The following SPEF2 variants were observed in gnomAD, a reference collection of about 807,000 sequenced individuals.
The protein encoded by SPEF2 is sperm flagella and cilia-associated protein 2.
Under a neutral mutation model 224.6 loss-of-function variants are expected in SPEF2, and 187 were observed. That is an observed-to-expected ratio of 0.83 (90% CI 0.74 to 0.94). SPEF2 has a LOEUF of 0.94. Among genes scored for constraint, SPEF2 ranks in the 40% least tolerant of loss-of-function variants. SPEF2 has a pLI of 0.00. For missense variants in SPEF2, 2,170 were observed against 2,135.6 expected, an observed-to-expected ratio of 1.02 and a Z score of -0.32; for synonymous variants, 715 against 707.3, an observed-to-expected ratio of 1.01 and a Z score of -0.17.
At chr5:35,639,425 C>T (rs558036265) in intron 2 of SPEF2, among the ~76,000 whole-genome samples, 64 of 152,190 alleles carry the variant, frequency 4.2e-4, no homozygotes, top group South Asian at 2.9e-3. Context: ...AAAATAATCC[C>T]TTTTTTGTCA....
chr5:35,748,940 T>C (rs1231716964), intron 23 of SPEF2, among the ~76,000 whole-genome samples: 1 of 152,090 alleles, frequency 6.6e-6, no homozygotes. Context: ...CTTAACAAAA[T>C]AGTAGCTAAC....
At chr5:35,697,230 A>G (rs1246329500) in intron 14 of SPEF2, among the ~76,000 whole-genome samples, 2 of 152,186 alleles carry the variant, frequency 1.3e-5, no homozygotes, top group African/African-American at 4.8e-5. Context: ...TATAAAAGAT[A>G]ATTATTTGAG....
intron 10 of SPEF2, 77 bp downstream of exon 10, chr5:35,670,304 T>G: frequency 6.7e-7 from 1 of 1,495,194 alleles, no homozygotes; most frequent in Non-Finnish European, 8.9e-7. Context: ...TGATATTCCT[T>G]ATTTCATTTC....
At chr5:35,740,300 A>G (rs762988265) in intron 23 of SPEF2, 33 bp downstream of exon 23, 1 of 1,611,026 alleles carries the variant, frequency 6.2e-7, no homozygotes, top group Middle Eastern at 1.7e-4. Context: ...GGACAGGGTT[A>G]GCTGGCTTTC....
chr5:35,717,277 C>A (rs565513374), intron 20 of SPEF2, among the ~76,000 whole-genome samples: 2 of 152,224 alleles, frequency 1.3e-5, no homozygotes, highest in South Asian at 2.1e-4. Context: ...CTGCAGAATT[C>A]TTCTCCCTTG....
chr5:35,769,985 C>T, intron 26 of SPEF2, among the ~76,000 whole-genome samples: 1 of 114,812 alleles, frequency 8.7e-6, no homozygotes, highest in East Asian at 2.5e-4. Context: ...CTACTGCCTC[C>T]ATAATGTGTG....
At chr5:35,634,693 A>G (rs547964665) in intron 2 of SPEF2, among the ~76,000 whole-genome samples, 1 of 152,158 alleles carries the variant, frequency 6.6e-6, no homozygotes, top group Admixed American at 6.5e-5. Flanking sequence ...TGTTAAATAA[A>G]CTTTTTATTA....
intron 20 of SPEF2, among the ~76,000 whole-genome samples, chr5:35,721,383 G>A (rs114005732): frequency 0.014 from 2,068 of 152,270 alleles, 31 homozygotes; most frequent in Non-Finnish European, 0.019. Context: ...TTAAGGTAAA[G>A]CTTGGTGAGT....
At chr5:35,762,642 C>T (rs1751471131) in intron 25 of SPEF2, among the ~76,000 whole-genome samples, 1 of 152,196 alleles carries the variant, frequency 6.6e-6, no homozygotes. Flanking sequence ...CTAGTTTCAA[C>T]AGAGGCATCC....
chr5:35,685,565 C>T (rs925832320), intron 10 of SPEF2, among the ~76,000 whole-genome samples: 3 of 152,000 alleles, frequency 2.0e-5, no homozygotes, highest in Non-Finnish European at 4.4e-5. Context: ...AATAACTCCA[C>T]TTGTAGACTT....
chr5:35,643,219 C>T (rs998097007), intron 3 of SPEF2, among the ~76,000 whole-genome samples: 10 of 152,132 alleles, frequency 6.6e-5, no homozygotes, highest in South Asian at 2.1e-4. Context: ...GAACTTCAAG[C>T]GTCAATAATT....
At chr5:35,729,774 T>G (rs1745318800) in intron 21 of SPEF2, among the ~76,000 whole-genome samples, 1 of 152,074 alleles carries the variant, frequency 6.6e-6, no homozygotes, top group African/African-American at 2.4e-5. Context: ...TAGGGGCCAG[T>G]CTTTACCATG....
chr5:35,760,673 AT>A (rs570135667), intron 25 of SPEF2, among the ~76,000 whole-genome samples: 49 of 152,298 alleles, frequency 3.2e-4, no homozygotes, highest in African/African-American at 1.1e-3. Context: ...TCTGTAAGTC[AT>A]TGTTTTTGTA....
intron 28 of SPEF2, among the ~76,000 whole-genome samples, chr5:35,775,413 T>TA (rs915911720): frequency 1.3e-5 from 2 of 152,218 alleles, no homozygotes; most frequent in African/African-American, 4.8e-5. Context: ...AGAGGAGTAT[T>TA]ACGTGCCATG....
At chr5:35,685,979 C>G (rs1272384615) in intron 10 of SPEF2, among the ~76,000 whole-genome samples, 2 of 151,716 alleles carry the variant, frequency 1.3e-5, no homozygotes, top group African/African-American at 4.8e-5. Context: ...TTGGTTCTCT[C>G]TTTGGATTTC....
At chr5:35,792,250 T>C in intron 30 of SPEF2, 90 bp from the exon 31 acceptor site, 1 of 887,308 alleles carries the variant, frequency 1.1e-6, no homozygotes, top group Non-Finnish European at 1.7e-6. Context: ...ATAAAGAGAG[T>C]TTTAAAATAC....
intron 10 of SPEF2, chr5:35,670,730 G>C (rs1214777843): frequency 2.0e-6 from 2 of 985,662 alleles, no homozygotes; most frequent in South Asian, 4.7e-5. Context: ...ATTTTTAGAA[G>C]AACTGTTGTA....
intron 18 of SPEF2, among the ~76,000 whole-genome samples, chr5:35,707,260 T>C (rs1328131646): frequency 1.3e-5 from 2 of 152,168 alleles, no homozygotes; most frequent in Non-Finnish European, 2.9e-5. Flanking sequence ...TTAAGGAAAG[T>C]GTACATAATT....
At chr5:35,798,929 T>C (rs1757045885) in intron 33 of SPEF2, among the ~76,000 whole-genome samples, 1 of 152,220 alleles carries the variant, frequency 6.6e-6, no homozygotes, top group Non-Finnish European at 1.5e-5. Context: ...ATTTAAATTT[T>C]TGTTGGATTT....
Sources: gnomAD v4.1 joint callset for allele counts (sites outside exome capture counted in the v4.1 genomes callset) on GRCh38, gnomAD v4.1.1 for gene constraint, MANE v1.5 for transcripts, NCBI Gene and HGNC (gene_info 2026-07-23, HGNC 2026-07-21) for gene names.